CNTN3: variants seen among roughly 807,000 people sequenced by gnomAD.
CNTN3 encodes the protein contactin-3.
Under a neutral mutation model 119.1 loss-of-function variants are expected in CNTN3, and 60 were observed. The ratio of observed to expected loss-of-function variants is 0.50; its 90% CI spans 0.41 to 0.62. The LOEUF (loss-of-function observed/expected upper bound fraction) is 0.62. Among genes scored for constraint, CNTN3 ranks in the 20% least tolerant of loss-of-function variants. The pLI, the probability that CNTN3 is intolerant of heterozygous loss-of-function variation, is 0.00. For synonymous variants in CNTN3, 450 were observed against 438.7 expected (o/e 1.03, Z -0.32); for missense variants, 1,101 against 1,242.4 (o/e 0.89, Z 1.71).
intron 8 of CNTN3, among the ~76,000 whole-genome samples, chr3:74,368,661 A>G (rs911363688): frequency 6.6e-5 from 10 of 152,128 alleles, no homozygotes; most frequent in Admixed American, 2.6e-4. Flanking sequence ...AGTACATCAA[A>G]TAAAAGTGAT....
At chr3:74,532,450 T>C (rs1286326075) in intron 1 of CNTN3, among the ~76,000 whole-genome samples, 1 of 152,130 alleles carries the variant, frequency 6.6e-6, no homozygotes, top group African/African-American at 2.4e-5. Flanking sequence ...AAGTTTAATT[T>C]AGAAATAAGA....
chr3:74,457,912 C>A (rs1347483088), intron 4 of CNTN3, among the ~76,000 whole-genome samples: 1 of 151,992 alleles, frequency 6.6e-6, no homozygotes, highest in Non-Finnish European at 1.5e-5. Context: ...AATAGCACCA[C>A]CCACACCCAC....
rs1428465979 is a variant in CNTN3, at chr3:74,569,508, G to A, written c.-81+44883C>T. Among the ~76,000 whole-genome samples, 4 of 152,172 alleles carry A rather than the reference G, an allele frequency of 2.6e-5. No individual in the cohort carries two copies. The East Asian group carries it at 7.7e-4, about 29-fold the overall frequency. ...GTCTCCCAGGGAACGTTTCTCTTGG[G>A]AGAGAAAGCTCACTCTCAACTCAGC... On this transcript the variant is annotated intron_variant, in intron 1 of 22. Transcript: ENST00000263665.
At chr3:74,331,081 T>C (rs1703253528) in intron 13 of CNTN3, among the ~76,000 whole-genome samples, 2 of 152,156 alleles carry the variant, frequency 1.3e-5, no homozygotes, top group Non-Finnish European at 2.9e-5. Flanking sequence ...AAGTGTACAG[T>C]GTTTCTAATG....
At chr3:74,478,098 A>T (rs1410805046) in intron 4 of CNTN3, among the ~76,000 whole-genome samples, 1 of 152,188 alleles carries the variant, frequency 6.6e-6, no homozygotes, top group Non-Finnish European at 1.5e-5. Context: ...ACAATAGAAG[A>T]ACAAAGTACA....
At chr3:74,440,267 A>C (rs1385065011) in intron 4 of CNTN3, among the ~76,000 whole-genome samples, 3 of 152,184 alleles carry the variant, frequency 2.0e-5, no homozygotes, top group Admixed American at 2.0e-4. Context: ...ACTGCTTCGC[A>C]CATATTATAT....
At chr3:74,425,023 G>A in intron 4 of CNTN3, 83 bp from the exon 5 acceptor site, 1 of 859,810 alleles carries the variant, frequency 1.2e-6, no homozygotes. Flanking sequence ...CTTTCTTTTA[G>A]AAAACAATTT....
At chr3:74,460,524 T>A (rs1006227218) in intron 4 of CNTN3, among the ~76,000 whole-genome samples, 3 of 151,778 alleles carry the variant, frequency 2.0e-5, no homozygotes, top group Admixed American at 6.6e-5. Context: ...TGTATACCTA[T>A]GTATTTAATT....
chr3:74,470,870 TTTG>T (rs143906469), intron 4 of CNTN3, among the ~76,000 whole-genome samples: 6 of 150,754 alleles, frequency 4.0e-5, no homozygotes, highest in South Asian at 2.1e-4. Flanking sequence ...TATTCGGTTT[TTTG>T]TTGTTGTTGT....
chr3:74,457,055 A>T (rs1447223788), intron 4 of CNTN3, among the ~76,000 whole-genome samples: 3 of 152,082 alleles, frequency 2.0e-5, no homozygotes, highest in African/African-American at 4.8e-5. Flanking sequence ...AGATTATTAA[A>T]ATGTCATATT....
intron 2 of CNTN3, among the ~76,000 whole-genome samples, chr3:74,506,714 C>T (rs1159840151): frequency 7.0e-6 from 1 of 143,770 alleles, no homozygotes; most frequent in Admixed American, 7.1e-5. Context: ...ACCAGGAGAA[C>T]ACAGTCAATG....
In CNTN3 at chr3:74,300,031, A is replaced by C. The variant is rs1702422660; in HGVS notation, c.2096-93T>G. ...GCAATGTTTTTTTAATATTTAAAAT[A>C]ATTTCATCATTGGCACATGATTCAT... On this transcript the variant is annotated intron_variant, in intron 16 of 22. Transcript: ENST00000263665. The C allele has an allele frequency of 7.0e-6, 5 of 715,820 alleles. No individual in the cohort carries two copies. In the East Asian group the frequency reaches 1.5e-4, roughly 22 times the overall value. 44.3% of individuals were successfully genotyped at this position (715,820 alleles called of 1,614,324 possible).
chr3:74,496,105 T>G (rs1332434794), intron 3 of CNTN3, among the ~76,000 whole-genome samples: 1 of 152,034 alleles, frequency 6.6e-6, no homozygotes, highest in East Asian at 1.9e-4. Context: ...CTTAATTGAT[T>G]TAAATTTCAA....
chr3:74,280,091 T>C (rs1017925071), intron 20 of CNTN3, among the ~76,000 whole-genome samples: 1 of 152,178 alleles, frequency 6.6e-6, no homozygotes. Flanking sequence ...TTATTTCACA[T>C]TGCATATCTG....
At chr3:74,452,465 G>A (rs1472980469) in intron 4 of CNTN3, among the ~76,000 whole-genome samples, 2 of 147,952 alleles carry the variant, frequency 1.4e-5, no homozygotes, top group Non-Finnish European at 1.5e-5. Context: ...CTGCAAACAG[G>A]GACAATTTGA....
chr3:74,546,627 T>C (rs1703919204), intron 1 of CNTN3, among the ~76,000 whole-genome samples: 1 of 152,190 alleles, frequency 6.6e-6, no homozygotes, highest in African/African-American at 2.4e-5. Context: ...TGTGGACTCT[T>C]GGACTCATAC....
chr3:74,610,110 T>C (rs756296825), intron 1 of CNTN3, among the ~76,000 whole-genome samples: 49 of 151,600 alleles, frequency 3.2e-4, no homozygotes, highest in Non-Finnish European at 8.8e-5. Context: ...ATCGTTTGAG[T>C]TCAGGAGTTC....
intron 1 of CNTN3, among the ~76,000 whole-genome samples, chr3:74,595,803 C>T (rs867670634): frequency 6.6e-6 from 1 of 152,098 alleles, no homozygotes; most frequent in Admixed American, 6.5e-5. Flanking sequence ...CCTCTCTCAC[C>T]ACTCCTATTC....
intron 5 of CNTN3, among the ~76,000 whole-genome samples, chr3:74,387,852 T>A (rs1459129430): frequency 6.6e-6 from 1 of 152,244 alleles, no homozygotes; most frequent in Non-Finnish European, 1.5e-5. Flanking sequence ...GTCTCCATTC[T>A]ACTTAACTTT....
Sources: allele counts gnomAD v4.1 joint callset (sites outside exome capture counted in the v4.1 genomes callset), GRCh38; gene constraint gnomAD v4.1.1; transcripts MANE v1.5; gene names NCBI Gene and HGNC (gene_info 2026-07-23, HGNC 2026-07-21).